The following NEK1 variants were observed in gnomAD, a reference collection of about 807,000 sequenced individuals.
NEK1 encodes serine/threonine-protein kinase Nek1.
A neutral mutation model predicts 182.1 loss-of-function variants in NEK1; 137 were observed. The observed-to-expected ratio is 0.75, with a 90% CI of 0.65 to 0.87. NEK1 has a LOEUF of 0.87. NEK1 is among the 40% of genes least tolerant of loss of function. The pLI, the probability that NEK1 is intolerant of heterozygous loss-of-function variation, is 0.00. For synonymous variants in NEK1, 513 were observed against 492.2 expected (o/e 1.04, Z -0.56); for missense variants, 1,391 against 1,494.4 (o/e 0.93, Z 1.14).
At chr4:169,534,561 C>T (rs2149801357) in intron 19 of NEK1, among the ~76,000 whole-genome samples, 1 of 152,302 alleles carries the variant, frequency 6.6e-6, no homozygotes, top group Admixed American at 6.5e-5. Context: ...ACCTGAGGTT[C>T]AATCAGGGCT....
At chr4:169,411,975 T>G (rs1733755408) in intron 31 of NEK1, among the ~76,000 whole-genome samples, 1 of 152,172 alleles carries the variant, frequency 6.6e-6, no homozygotes, top group Admixed American at 6.5e-5. Flanking sequence ...TACACAAACT[T>G]TCTTCACTAG....
chr4:169,495,344 C>A (rs1189753362), intron 23 of NEK1, among the ~76,000 whole-genome samples: 1 of 150,412 alleles, frequency 6.6e-6, no homozygotes, highest in African/African-American at 2.4e-5. Context: ...CCCGGGTTCA[C>A]GCCATTCTCC....
intron 27 of NEK1, among the ~76,000 whole-genome samples, chr4:169,455,448 A>G (rs890996537): frequency 4.6e-5 from 7 of 152,210 alleles, no homozygotes; most frequent in Non-Finnish European, 7.3e-5. Context: ...TAGAAACCAA[A>G]AAAGGGCAGA....
rs1158191013 is a variant in NEK1 at position 169,568,658 on chromosome 4, C to T, written c.1021-6462G>A. On this transcript the variant is annotated intron_variant, in intron 12 of 35. Transcript: ENST00000507142. ...ATATTTGAATATAAATAGGAAGGCCCGCTGGACGTGGTGGCTCACGCTTGT... is the reference window on the plus strand; with the variant it reads ...ATATTTGAATATAAATAGGAAGGCCTGCTGGACGTGGTGGCTCACGCTTGT... Among the ~76,000 whole-genome samples the T allele has an allele frequency of 2.6e-5, 4 of 152,048 alleles. No individual in the cohort carries two copies. The South Asian group carries it at 6.2e-4, about 24-fold the overall frequency.
chr4:169,530,310 T>C (rs948452014), intron 19 of NEK1, among the ~76,000 whole-genome samples: 7 of 152,224 alleles, frequency 4.6e-5, no homozygotes, highest in Non-Finnish European at 1.0e-4. Flanking sequence ...TTATGATAGT[T>C]TGACTTATGC....
intron 12 of NEK1, among the ~76,000 whole-genome samples, chr4:169,566,354 T>C (rs989277481): frequency 2.6e-5 from 4 of 152,164 alleles, no homozygotes; most frequent in Non-Finnish European, 4.4e-5. Flanking sequence ...TCCTCTAAGA[T>C]CACACAGGTA....
Position 169,424,682 on chromosome 4 carries a change from T to C in NEK1, c.3093A>G (p.Gln1031=), listed in dbSNP as rs760811823. ...SEHLNLVPQV[Q]SVQCSPEESF... ...ATTCTTCTGGTGAACACTGAACTGATTGAACTTGAGGGACTAAGTTCAAGT... is the reference window on the plus strand; with the variant it reads ...ATTCTTCTGGTGAACACTGAACTGACTGAACTTGAGGGACTAAGTTCAAGT... The change falls in exon 31 of 36, where the codon CAA becomes CAG. Residue 1031 remains glutamine, a synonymous_variant. Coordinates refer to ENST00000507142, the MANE Select transcript of NEK1 (RefSeq NM_001199397.3). The C allele has an allele frequency of 2.3e-5, 37 of 1,613,908 alleles. No homozygotes were observed. The highest frequency in any genetic ancestry group is 1.9e-4 in the African/African-American group (14 of 75,040).
chr4:169,396,401 A>AAAAAAAAAAAAT (rs1730728467), intron 35 of NEK1, among the ~76,000 whole-genome samples: 1 of 146,648 alleles, frequency 6.8e-6, no homozygotes, highest in Non-Finnish European at 1.5e-5. Flanking sequence ...AAAAAAGAAG[A>AAAAAAAAAAAAT]ATCTATAAAC....
At chr4:169,547,479 T>C (rs1760702372) in intron 18 of NEK1, among the ~76,000 whole-genome samples, 1 of 152,174 alleles carries the variant, frequency 6.6e-6, no homozygotes, top group Non-Finnish European at 1.5e-5. Context: ...AGGAGTATCT[T>C]TGTGGTGTTC....
intron 11 of NEK1, among the ~76,000 whole-genome samples, chr4:169,579,161 G>A (rs1766192761): frequency 6.6e-6 from 1 of 152,158 alleles, no homozygotes; most frequent in Admixed American, 6.5e-5. Context: ...TCATTGACAA[G>A]GCTACCTATG....
At chr4:169,461,603 T>C (rs1465525140) in intron 27 of NEK1, among the ~76,000 whole-genome samples, 1 of 152,198 alleles carries the variant, frequency 6.6e-6, no homozygotes, top group Non-Finnish European at 1.5e-5. Context: ...TGGTAAAAAC[T>C]GTCACTTCTT....
chr4:169,426,988 T>C (rs943992902), intron 29 of NEK1, among the ~76,000 whole-genome samples: 58 of 151,824 alleles, frequency 3.8e-4, no homozygotes, highest in African/African-American at 1.2e-3. Context: ...AATTCATGCA[T>C]TTTTTTTAAA....
At chr4:169,445,435 A>G (rs868773398) in intron 27 of NEK1, among the ~76,000 whole-genome samples, 1 of 152,160 alleles carries the variant, frequency 6.6e-6, no homozygotes, top group Non-Finnish European at 1.5e-5. Flanking sequence ...TAAAAAAAAG[A>G]GACAGATTTC....
At chr4:169,492,504 G>A (rs1750299431) in intron 23 of NEK1, among the ~76,000 whole-genome samples, 1 of 152,160 alleles carries the variant, frequency 6.6e-6, no homozygotes, top group South Asian at 2.1e-4. Flanking sequence ...CAGCTGGGGA[G>A]CCCCTCAGCC....
At chr4:169,396,471 T>C (rs554213225) in intron 35 of NEK1, among the ~76,000 whole-genome samples, 216 of 150,644 alleles carry the variant, frequency 1.4e-3, no homozygotes, top group Non-Finnish European at 2.8e-3. Flanking sequence ...AGGTTGCCAC[T>C]GGCCACAGCT....
intron 27 of NEK1, 59 bp downstream of exon 27, chr4:169,463,184 A>G: frequency 1.1e-6 from 1 of 938,622 alleles, no homozygotes; most frequent in Non-Finnish European, 1.5e-6. Flanking sequence ...CTTAAAATAC[A>G]TAATTAGATT....
chr4:169,570,464 C>T (rs1436269028), intron 12 of NEK1, among the ~76,000 whole-genome samples: 4 of 148,220 alleles, frequency 2.7e-5, no homozygotes, highest in African/African-American at 1.0e-4. Context: ...GTGGGGGGAT[C>T]AGCCCCCCGC....
chr4:169,405,266 C>T (rs560153824), intron 32 of NEK1, among the ~76,000 whole-genome samples: 47 of 152,260 alleles, frequency 3.1e-4, no homozygotes, highest in African/African-American at 1.1e-3. Flanking sequence ...AAGCTACAAA[C>T]CTGTACAGCA....
intron 29 of NEK1, among the ~76,000 whole-genome samples, chr4:169,432,927 C>T (rs768066304): frequency 6.6e-6 from 1 of 152,214 alleles, no homozygotes; most frequent in Non-Finnish European, 1.5e-5. Flanking sequence ...GCACCCGCCG[C>T]CATGCCTGGC....
Sources: allele counts gnomAD v4.1 joint callset (sites outside exome capture counted in the v4.1 genomes callset), GRCh38; gene constraint gnomAD v4.1.1; transcripts MANE v1.5; gene names NCBI Gene and HGNC (gene_info 2026-07-23, HGNC 2026-07-21).